The following TOR1AIP1 variants were observed in gnomAD, a reference collection of about 807,000 sequenced individuals.
The protein encoded by TOR1AIP1 is torsin-1A-interacting protein 1.
A neutral mutation model predicts 63.3 loss-of-function variants in TOR1AIP1; 54 were observed. The ratio of observed to expected loss-of-function variants is 0.85; its 90% confidence interval spans 0.69 to 1.07. TOR1AIP1 has a LOEUF of 1.07. Among genes scored for constraint, TOR1AIP1 ranks in the 50% least tolerant of loss-of-function variants. The pLI is 0.00. For missense variants in TOR1AIP1, 736 were observed against 715.0 expected (o/e 1.03, Z -0.33); for synonymous variants, 294 against 273.5 (o/e 1.07, Z -0.74).
chr1:179,917,400 T>C (rs2148483984), intron 9 of TOR1AIP1, 52 bp from the exon 10 acceptor site: 2 of 1,489,858 alleles, frequency 1.3e-6, no homozygotes, highest in East Asian at 2.3e-5. Flanking sequence ...CACTTGCCCC[T>C]GAATCTAAGA....
chr1:179,889,488 A>C, intron 3 of TOR1AIP1, 119 bp downstream of exon 3: 1 of 746,148 alleles, frequency 1.3e-6, no homozygotes, highest in Non-Finnish European at 2.1e-6. Context: ...TATACATTAA[A>C]AAATCTCCCT....
In TOR1AIP1 at chr1:179,917,639, G is replaced by A. The variant is rs774323211; in HGVS notation, c.1152G>A (p.Glu384=). ...QLKNKYQGQD[E]KLWKRSQTFL... ...AGAATAAGTACCAAGGTCAAGATGA[G>A]AAGCTGTGGAAAAGGAGCCAAACAT... The change falls in exon 10 of 10, where the codon GAG becomes GAA. Residue 384 remains glutamate, a synonymous_variant. Transcript: ENST00000606911. The A allele has an allele frequency of 1.9e-6, 3 of 1,614,188 alleles. No homozygotes were observed. The South Asian group carries it at 3.3e-5, about 18-fold the overall frequency.
intron 2 of TOR1AIP1, among the ~76,000 whole-genome samples, chr1:179,888,722 C>A (rs1201494281): frequency 6.6e-6 from 1 of 152,148 alleles, no homozygotes; most frequent in African/African-American, 2.4e-5. Flanking sequence ...AGAAAACATA[C>A]TTTTATAGGT....
chr1:179,907,593 T>TTATATATATATATA lies in TOR1AIP1; in HGVS notation c.797-218_797-205dup, dbSNP rs55752745. On this transcript the variant is annotated intron_variant, in intron 6 of 9. Coordinates refer to ENST00000606911, the MANE Select transcript of TOR1AIP1 (RefSeq NM_015602.4). ...AGGGGGAAAGAAATACACACACACT[T>TTATATATATATATA]TATATATATATATATATATATATAT... Among the ~76,000 whole-genome samples, 3,068 of 62,068 alleles carry TTATATATATATATA rather than the reference T, an allele frequency of 0.049. 69 individuals are homozygous for TTATATATATATATA. The highest frequency in any genetic ancestry group is 0.083 in the South Asian group (109 of 1,308). The allele number at this position is 62,068 out of a possible 152,430, so 40.7% of individuals were successfully genotyped here.
At chr1:179,903,511 CTT>C (rs763903698) in intron 5 of TOR1AIP1, among the ~76,000 whole-genome samples, 18 of 141,624 alleles carry the variant, frequency 1.3e-4, no homozygotes, top group Admixed American at 1.4e-4. Flanking sequence ...CTTTTTTAAC[CTT>C]TTTTTTTTTT....
chr1:179,919,408 TC>T lies in TOR1AIP1; in HGVS notation c.*1171del, dbSNP rs1357191933. ...TGGGCTATTGAAGAAGATTTCATTT[TC>T]CGCGCATCCACTTGTTGCAGTCCAA... On this transcript the variant is annotated 3_prime_UTR_variant, in exon 10 of 10. Transcript: ENST00000606911. 1.3e-5 allele frequency: 2 copies of T among 152,234 alleles called. No homozygotes were observed. Among genetic ancestry groups the T allele is most frequent in the Non-Finnish European group, 2.9e-5 (2 of 68,044 alleles). The allele number at this position is 152,234 out of a possible 1,614,324, so 9.4% of individuals were successfully genotyped here.
chr1:179,918,440 G>A lies in TOR1AIP1; in HGVS notation c.*201G>A. 1.7e-6 allele frequency: 1 copy of A among 585,494 alleles called. No homozygotes were observed. Among genetic ancestry groups the A allele is most frequent in the Non-Finnish European group, 2.9e-6 (1 of 340,092 alleles). The allele number at this position is 585,494 out of a possible 1,614,324, so 36.3% of individuals were successfully genotyped here. On this transcript the variant is annotated 3_prime_UTR_variant, in exon 10 of 10. Transcript: ENST00000606911. ...AGAGAATCATTTCAGTTTCCATTGA[G>A]AGCTCTGTTAAAGGTATCTTAGGAG...
intron 1 of TOR1AIP1, 169 bp downstream of exon 1, chr1:179,883,146 C>A: frequency 1.5e-6 from 1 of 671,412 alleles, no homozygotes; most frequent in Non-Finnish European, 2.5e-6. Context: ...CCACCCTGAC[C>A]CGCAGCGGGG....
At chr1:179,912,873 GA>G (rs1268161306) in intron 8 of TOR1AIP1, among the ~76,000 whole-genome samples, 1 of 152,094 alleles carries the variant, frequency 6.6e-6, no homozygotes, top group Non-Finnish European at 1.5e-5. Context: ...TTTCTCAAAT[GA>G]AAGTTGTTGA....
At chr1:179,909,638 A>C (rs903044454) in intron 8 of TOR1AIP1, among the ~76,000 whole-genome samples, 1 of 152,092 alleles carries the variant, frequency 6.6e-6, no homozygotes, top group African/African-American at 2.4e-5. Context: ...GGGTTTCACC[A>C]TATTGGTCAG....
In TOR1AIP1 at chr1:179,903,947, A is replaced by G. The variant is rs1283592819; in HGVS notation, c.740-19A>G. The G allele has an allele frequency of 6.6e-7, 1 of 1,512,502 alleles. No homozygotes were observed. Among genetic ancestry groups the G allele is most frequent in the East Asian group, 2.3e-5 (1 of 44,186 alleles). 93.7% of individuals were successfully genotyped at this position (1,512,502 alleles called of 1,614,324 possible). On this transcript the variant is annotated intron_variant, in intron 5 of 9. Coordinates refer to ENST00000606911, the MANE Select transcript of TOR1AIP1 (RefSeq NM_015602.4). Reference sequence around the variant, plus strand: ...AAAAGTTGGATATTATTTATAGTGTACTGTTTTTTATTTTTTAGATAAAAC... The same window carrying G: ...AAAAGTTGGATATTATTTATAGTGTGCTGTTTTTTATTTTTTAGATAAAAC...
rs558106976 is a variant in TOR1AIP1, at chr1:179,908,982, G to A, written c.907+309G>A. Among the ~76,000 whole-genome samples the A allele has an allele frequency of 1.5e-4, 23 of 152,134 alleles. 1 individual carries two copies. In the South Asian group the frequency reaches 4.4e-3, roughly 29 times the overall value. On this transcript the variant is annotated intron_variant, in intron 8 of 9. Coordinates refer to ENST00000606911, the MANE Select transcript of TOR1AIP1 (RefSeq NM_015602.4). ...AGATCGAGACCATCCTGGCTAACACGGTGAAACCTCGTCTCTACTAAAAAT... is the reference window on the plus strand; with the variant it reads ...AGATCGAGACCATCCTGGCTAACACAGTGAAACCTCGTCTCTACTAAAAAT...
intron 5 of TOR1AIP1, among the ~76,000 whole-genome samples, chr1:179,903,518 T>C (rs1412158231): frequency 6.6e-6 from 1 of 151,986 alleles, no homozygotes; most frequent in East Asian, 1.9e-4. Context: ...AACCTTTTTT[T>C]TTTTTTTGAG....
In TOR1AIP1 at chr1:179,908,594, A is replaced by G; in HGVS notation, c.839-11A>G. On this transcript the variant is annotated splice_polypyrimidine_tract_variant and intron_variant, in intron 7 of 9. Transcript: ENST00000606911. ...TGGGAAATTATCTTTTGATATATGT[A>G]TTTGCTTCAGGCTCAGGATATCAAA... is the stretch of plus-strand genomic sequence containing the variant. 6.2e-7 allele frequency: 1 copy of G among 1,610,474 alleles called. No homozygotes were observed. The highest frequency in any genetic ancestry group is 8.5e-7 in the Non-Finnish European group (1 of 1,177,372).
chr1:179,910,065 C>G (rs1424175853), intron 8 of TOR1AIP1, among the ~76,000 whole-genome samples: 1 of 152,132 alleles, frequency 6.6e-6, no homozygotes, highest in Non-Finnish European at 1.5e-5. Flanking sequence ...CACCCAGCCT[C>G]ATGTTTAGGT....
At position 179,919,769 on chromosome 1, in the gene TOR1AIP1, G is replaced by A. The variant is rs1414504357; in HGVS notation, c.*1530G>A. The A allele has an allele frequency of 6.6e-6, 1 of 152,098 alleles. No individual in the cohort carries two copies. The highest frequency in any genetic ancestry group is 2.4e-5 in the African/African-American group (1 of 41,408). The allele number at this position is 152,098 out of a possible 1,614,324, so 9.4% of individuals were successfully genotyped here. A position where few individuals can be genotyped will look rare whatever the true frequency, so the allele number is the denominator to read the frequency against. Reference sequence around the variant, plus strand: ...ACAAGTGGTAGTAGAGTGGTTTAACGTCTTTCCTCTAGTACTACCAGTATT... The same window carrying A: ...ACAAGTGGTAGTAGAGTGGTTTAACATCTTTCCTCTAGTACTACCAGTATT... On this transcript the variant is annotated 3_prime_UTR_variant, in exon 10 of 10. Coordinates refer to ENST00000606911, the MANE Select transcript of TOR1AIP1 (RefSeq NM_015602.4).
chr1:179,912,353 T>TTGTTGTTAGCATCTC (rs1207049634), intron 8 of TOR1AIP1, among the ~76,000 whole-genome samples: 2 of 152,184 alleles, frequency 1.3e-5, no homozygotes, highest in East Asian at 3.8e-4. Flanking sequence ...TTTTTTAGAA[T>TTGTTGTTAGCATCTC]TGTTGTTAGC....
intron 3 of TOR1AIP1, among the ~76,000 whole-genome samples, chr1:179,898,138 G>A (rs1648341766): frequency 6.6e-6 from 1 of 151,970 alleles, no homozygotes; most frequent in African/African-American, 2.4e-5. Context: ...ACTATGTGCT[G>A]TTATGAACAA....
At chr1:179,896,162 A>C (rs1648257322) in intron 3 of TOR1AIP1, among the ~76,000 whole-genome samples, 1 of 152,252 alleles carries the variant, frequency 6.6e-6, no homozygotes, top group Non-Finnish European at 1.5e-5. Flanking sequence ...CTAATTTCAG[A>C]CTTTTTAAGT....
Sources: allele counts gnomAD v4.1 joint callset (sites outside exome capture counted in the v4.1 genomes callset), GRCh38; gene constraint gnomAD v4.1.1; transcripts MANE v1.5; gene names NCBI Gene and HGNC (gene_info 2026-07-23, HGNC 2026-07-21).